USH2A: variants seen among roughly 807,000 people sequenced by gnomAD.
The protein encoded by USH2A is usherin, also known as Usher syndrome 2A (autosomal recessive, mild).
In USH2A, 443 loss-of-function variants were observed where a neutral mutation model predicts 538.9. The ratio of observed to expected loss-of-function variants is 0.82; its 90% confidence interval spans 0.76 to 0.89. The LOEUF (loss-of-function observed/expected upper bound fraction) is 0.89. Among genes scored for constraint, USH2A ranks in the 40% least tolerant of loss-of-function variants. The pLI, the probability that USH2A is intolerant of heterozygous loss-of-function variation, is 0.00. For missense variants in USH2A, 6,633 were observed against 6,324.8 expected (o/e 1.05, Z -1.65); for synonymous variants, 2,413 against 2,273.5 (o/e 1.06, Z -1.75).
chr1:215,672,071 G>A (rs1657835570), intron 63 of USH2A, among the ~76,000 whole-genome samples: 1 of 152,124 alleles, frequency 6.6e-6, no homozygotes, highest in Non-Finnish European at 1.5e-5. Flanking sequence ...TTGCCTCATA[G>A]CTGGTCTCTG....
intron 4 of USH2A, among the ~76,000 whole-genome samples, chr1:216,356,625 G>T (rs1312289863): frequency 2.0e-5 from 3 of 151,906 alleles, no homozygotes; most frequent in Non-Finnish European, 4.4e-5. Context: ...TGAACCCATT[G>T]CCATGTACAT....
At chr1:216,201,077 T>C (rs1342314798) in intron 16 of USH2A, among the ~76,000 whole-genome samples, 1 of 147,046 alleles carries the variant, frequency 6.8e-6, no homozygotes, top group Non-Finnish European at 1.5e-5. Context: ...TAGAGCTTTA[T>C]TGTGGAAAAG....
At chr1:216,118,796 C>A (rs1001838992) in intron 21 of USH2A, among the ~76,000 whole-genome samples, 1 of 152,234 alleles carries the variant, frequency 6.6e-6, no homozygotes, top group African/African-American at 2.4e-5. Flanking sequence ...ATGCCCAGTT[C>A]ATCCTGTCAG....
intron 15 of USH2A, among the ~76,000 whole-genome samples, chr1:216,216,949 A>G (rs2035353773): frequency 6.6e-6 from 1 of 152,130 alleles, no homozygotes; most frequent in African/African-American, 2.4e-5. Flanking sequence ...GGGATGGAAG[A>G]ATATCAAACA....
At chr1:215,669,413 C>T (rs1032677380) in intron 64 of USH2A, among the ~76,000 whole-genome samples, 12 of 152,160 alleles carry the variant, frequency 7.9e-5, no homozygotes, top group African/African-American at 2.4e-4. Flanking sequence ...AACCACAATT[C>T]TTATCCTAAA....
chr1:215,635,301 G>C (rs1459142597), intron 69 of USH2A, among the ~76,000 whole-genome samples: 1 of 152,136 alleles, frequency 6.6e-6, no homozygotes, highest in Non-Finnish European at 1.5e-5. Context: ...AAAGAGCAAA[G>C]CTCAGCAAAC....
At chr1:216,186,113 A>G (rs1280116760) in intron 20 of USH2A, among the ~76,000 whole-genome samples, 1 of 151,862 alleles carries the variant, frequency 6.6e-6, no homozygotes, top group African/African-American at 2.4e-5. Flanking sequence ...AAAAAAACAA[A>G]CACTAAAATA....
In USH2A at chr1:215,822,955, C is replaced by T. The variant is rs150300607; in HGVS notation, c.9372-5760G>A. Among the ~76,000 whole-genome samples, 588 of 152,080 alleles carry T rather than the reference C, an allele frequency of 3.9e-3. 5 individuals carry two copies. Among genetic ancestry groups the T allele is most frequent in the African/African-American group, 0.013 (533 of 41,550 alleles). On this transcript the variant is annotated intron_variant, in intron 47 of 71. Transcript: ENST00000307340. Reference sequence around the variant, plus strand: ...TTAACTGTATTTCTCCATATTTTGACTTTATGTCGTCTCAATTTGTATATT... The same window carrying T: ...TTAACTGTATTTCTCCATATTTTGATTTTATGTCGTCTCAATTTGTATATT...
chr1:215,900,346 C>CA, intron 39 of USH2A, 129 bp from the exon 40 acceptor site: 2 of 991,414 alleles, frequency 2.0e-6, no homozygotes, highest in Admixed American at 2.0e-5. Context: ...TTTCTGCCAT[C>CA]AAATGAGATC....
intron 32 of USH2A, among the ~76,000 whole-genome samples, chr1:216,025,094 T>G (rs1002885230): frequency 6.6e-6 from 1 of 151,890 alleles, no homozygotes; most frequent in East Asian, 1.9e-4. Flanking sequence ...TTCAAGATAA[T>G]ATTAGCATTA....
intron 30 of USH2A, among the ~76,000 whole-genome samples, chr1:216,058,190 T>C (rs2031049165): frequency 1.6e-5 from 2 of 127,248 alleles, no homozygotes. Context: ...CCTATGAACA[T>C]CCCGCCTCTG....
At chr1:215,691,103 C>T (rs6693138) in intron 61 of USH2A, among the ~76,000 whole-genome samples, 29,295 of 152,044 alleles carry the variant, frequency 0.19, 3,138 homozygotes, top group South Asian at 0.47. Flanking sequence ...AGGCTGGTCT[C>T]GAACTCCTGA....
At chr1:215,863,765 A>G (rs916528000) in intron 44 of USH2A, among the ~76,000 whole-genome samples, 2 of 152,090 alleles carry the variant, frequency 1.3e-5, no homozygotes, top group African/African-American at 4.8e-5. Flanking sequence ...ACTTGAGCCC[A>G]TTAATTCGAG....
At chr1:216,233,802 A>G (rs549768108) in intron 13 of USH2A, among the ~76,000 whole-genome samples, 9 of 152,198 alleles carry the variant, frequency 5.9e-5, no homozygotes, top group South Asian at 4.1e-4. Flanking sequence ...GAAAGTTATC[A>G]GGCAGTTGAA....
At chr1:215,873,066 A>G (rs966127413) in intron 43 of USH2A, among the ~76,000 whole-genome samples, 1 of 152,132 alleles carries the variant, frequency 6.6e-6, no homozygotes, top group Non-Finnish European at 1.5e-5. Flanking sequence ...GGCTAATACA[A>G]GGAGGTAACA....
chr1:215,905,015 C>T (rs1665598180), intron 38 of USH2A, among the ~76,000 whole-genome samples: 1 of 152,068 alleles, frequency 6.6e-6, no homozygotes, highest in Admixed American at 6.6e-5. Context: ...ATGACTTATA[C>T]ATGTCCTAAA....
At chr1:216,091,441 GT>G (rs1366016542) in intron 22 of USH2A, among the ~76,000 whole-genome samples, 1 of 152,126 alleles carries the variant, frequency 6.6e-6, no homozygotes, top group Non-Finnish European at 1.5e-5. Context: ...ATAGAAAATT[GT>G]TGGAGATAAC....
intron 14 of USH2A, among the ~76,000 whole-genome samples, chr1:216,224,361 G>A (rs992650266): frequency 4.6e-5 from 7 of 152,158 alleles, no homozygotes; most frequent in African/African-American, 1.4e-4. Context: ...TTTTGGGTTA[G>A]ACAAACACTA....
intron 21 of USH2A, among the ~76,000 whole-genome samples, chr1:216,133,977 A>T (rs2033429699): frequency 6.6e-6 from 1 of 152,134 alleles, no homozygotes; most frequent in Non-Finnish European, 1.5e-5. Context: ...TACTATAATG[A>T]ATCGGATGAT....
Sources: allele counts gnomAD v4.1 joint callset (sites outside exome capture counted in the v4.1 genomes callset), GRCh38; gene constraint gnomAD v4.1.1; transcripts MANE v1.5; gene names NCBI Gene and HGNC (gene_info 2026-07-23, HGNC 2026-07-21).